Variants in SYPL1 observed in about 807,000 individuals in gnomAD.
SYPL1 encodes the protein synaptophysin-like protein 1.
In SYPL1, 6 loss-of-function variants were observed where a neutral mutation model predicts 23.7. The ratio of observed to expected loss-of-function variants is 0.25; its 90% CI spans 0.14 to 0.50. The LOEUF (loss-of-function observed/expected upper bound fraction) is 0.50, where lower values mean the gene tolerates loss of function less well. SYPL1 is among the 20% of genes least tolerant of loss of function. The pLI, the probability that SYPL1 is intolerant of heterozygous loss-of-function variation, is 0.98. For missense variants in SYPL1, 253 were observed against 288.9 expected, an observed-to-expected ratio of 0.88 and a Z score of 0.90; for synonymous variants, 102 against 104.5, an observed-to-expected ratio of 0.98 and a Z score of 0.15.
chr7:106,112,076 G>T, intron 1 of SYPL1, 64 bp downstream of exon 1: 1 of 1,302,328 alleles, frequency 7.7e-7, no homozygotes, highest in Non-Finnish European at 9.9e-7. Flanking sequence ...GCAGGTCCCC[G>T]TCTCCCCGCC....
At position 106,097,888 on chromosome 7, in the gene SYPL1, C is replaced by T. The variant is rs376215271; in HGVS notation, c.204G>A (p.Glu68=). 3.9e-5 allele frequency: 63 copies of T among 1,610,150 alleles called. No homozygotes were observed. Among genetic ancestry groups the T allele is most frequent in the African/African-American group, 5.3e-5 (4 of 74,878 alleles). The part of the protein sequence containing the change: ...ATFGYPFRLN[E]ASFQPPPGVN... ...CACCTGGAGGTGGCTGAAATGATGC[C>T]TCATTCAACCTATTAAAATAAATGT... Residue 68 remains glutamate, a synonymous_variant, in exon 3 of 5, where the codon GAG becomes GAA. Transcript: ENST00000455385. The surrounding 1 kb of genome is among the most constrained non-coding windows in gnomAD (Gnocchi z 4.6).
At chr7:106,101,986 C>T (rs1563340943) in intron 1 of SYPL1, among the ~76,000 whole-genome samples, 1 of 152,130 alleles carries the variant, frequency 6.6e-6, no homozygotes, top group African/African-American at 2.4e-5. Context: ...CCTGATTTCC[C>T]TTCCCTTGAG....
In SYPL1 at chr7:106,100,221, A is replaced by G. The variant is rs1354797699; in HGVS notation, c.70-939T>C. Among the ~76,000 whole-genome samples the G allele has an allele frequency of 6.6e-6, 1 of 152,216 alleles. No individual in the cohort carries two copies. Among genetic ancestry groups the G allele is most frequent in the East Asian group, 1.9e-4 (1 of 5,200 alleles). On this transcript the variant is annotated intron_variant, in intron 1 of 4. Transcript: ENST00000455385. The surrounding 1 kb of genome is among the most constrained non-coding windows in gnomAD (Gnocchi z 5.1). ...TGGAAACTTATTTTCCTAATCATGTATATGCTTAAAAAAATGAATGGTGTT... is the reference window on the plus strand; with the variant it reads ...TGGAAACTTATTTTCCTAATCATGTGTATGCTTAAAAAAATGAATGGTGTT...
upstream of SYPL1, chr7:106,112,503 G>T: frequency 2.0e-6 from 3 of 1,524,574 alleles, no homozygotes; most frequent in Non-Finnish European, 8.8e-7. Flanking sequence ...TGATCCGCTG[G>T]CGAACCAAGT....
Position 106,090,627 on chromosome 7 carries a change from A to T in SYPL1, c.*1178T>A, listed in dbSNP as rs982850632. 6.5e-6 allele frequency: 1 copy of T among 152,688 alleles called. No homozygotes were observed. The highest frequency in any genetic ancestry group is 2.4e-5 in the African/African-American group (1 of 41,470). 9.5% of individuals were successfully genotyped at this position (152,688 alleles called of 1,614,324 possible). On this transcript the variant is annotated 3_prime_UTR_variant, in exon 5 of 5. Coordinates refer to ENST00000455385, the MANE Select transcript of SYPL1 (RefSeq NM_182715.4). ...AGCAAGATGTGCTTCACATATAAAC[A>T]ATCATGTTGTAAGAATAAGAAACCT...
At chr7:106,092,616 T>C (rs753764624) in intron 4 of SYPL1, 7 of 354,560 alleles carry the variant, frequency 2.0e-5, no homozygotes, top group Non-Finnish European at 3.2e-5. Context: ...GAGGTTGCAG[T>C]GTGCCGAGAT....
chr7:106,112,273 G>C lies in SYPL1; in HGVS notation c.-65C>G. ...GCGGAGGAGGGGACCGACGAGACCA[G>C]AGCAGCCCGGTGGCGAGGAAGGGCA... On this transcript the variant is annotated 5_prime_UTR_variant, in exon 1 of 5. Coordinates refer to ENST00000455385, the MANE Select transcript of SYPL1 (RefSeq NM_182715.4). 6.9e-7 allele frequency: 1 copy of C among 1,452,034 alleles called. No homozygotes were observed. The highest frequency in any genetic ancestry group is 9.2e-7 in the Non-Finnish European group (1 of 1,087,214). 89.9% of individuals were successfully genotyped at this position (1,452,034 alleles called of 1,614,324 possible).
intron 3 of SYPL1, among the ~76,000 whole-genome samples, chr7:106,094,153 T>C (rs745921510): frequency 6.6e-5 from 10 of 152,254 alleles, no homozygotes; most frequent in Non-Finnish European, 1.2e-4. Flanking sequence ...AGAATGGATT[T>C]TGGAGCTTAT....
At chr7:106,102,096 CTT>C (rs564357480) in intron 1 of SYPL1, among the ~76,000 whole-genome samples, 1 of 147,008 alleles carries the variant, frequency 6.8e-6, no homozygotes, top group Non-Finnish European at 1.5e-5. Context: ...AAGATTACAA[CTT>C]TTTTTTTTTT....
At chr7:106,105,993 A>G (rs1182331832) in intron 1 of SYPL1, among the ~76,000 whole-genome samples, 1 of 152,242 alleles carries the variant, frequency 6.6e-6, no homozygotes. Context: ...AAATGGAAGC[A>G]TTCATACTAC....
At chr7:106,106,109 G>A (rs1840584222) in intron 1 of SYPL1, among the ~76,000 whole-genome samples, 1 of 152,170 alleles carries the variant, frequency 6.6e-6, no homozygotes, top group South Asian at 2.1e-4. Context: ...AGTATCTGAA[G>A]CAAGGATTTA....
intron 1 of SYPL1, among the ~76,000 whole-genome samples, chr7:106,099,599 G>A (rs1393841837): frequency 1.3e-5 from 2 of 152,128 alleles, no homozygotes; most frequent in South Asian, 2.1e-4. Flanking sequence ...TCGCTATGTT[G>A]CTCAGATTGG....
chr7:106,099,102 T>C (rs1230681469), intron 2 of SYPL1, 56 bp downstream of exon 2: 1 of 1,565,196 alleles, frequency 6.4e-7, no homozygotes, highest in African/African-American at 1.4e-5. Context: ...GAAATCTTAA[T>C]GACTCACTGT....
In SYPL1 at chr7:106,109,565, T is replaced by C. The variant is rs1585945249; in HGVS notation, c.69+2575A>G. On this transcript the variant is annotated intron_variant, in intron 1 of 4. Coordinates refer to ENST00000455385, the MANE Select transcript of SYPL1 (RefSeq NM_182715.4). This position sits in a 1 kb window ranked among gnomAD's most constrained non-coding sequence, Gnocchi z 4.3. ...GCTATATCTGCAGCCCAAACTCATA[T>C]TTTAAATTCTAGATCCATATATATA... Among the ~76,000 whole-genome samples the C allele has an allele frequency of 3.3e-5, 5 of 152,198 alleles. No homozygotes were observed. Among genetic ancestry groups the C allele is most frequent in the African/African-American group, 9.7e-5 (4 of 41,450 alleles).
chr7:106,100,263 A>G lies in SYPL1; in HGVS notation c.70-981T>C, dbSNP rs1024272061. ...AATGGTGTTCTCTCAAATACCATCT[A>G]AAACACAAAAAACCTAGAAGCAACC... On this transcript the variant is annotated intron_variant, in intron 1 of 4. Transcript: ENST00000455385. The surrounding 1 kb of genome is among the most constrained non-coding windows in gnomAD (Gnocchi z 5.1). Among the ~76,000 whole-genome samples the G allele has an allele frequency of 2.0e-5, 3 of 152,222 alleles. No individual in the cohort carries two copies. Among genetic ancestry groups the G allele is most frequent in the Non-Finnish European group, 4.4e-5 (3 of 68,040 alleles).
rs1261428170 is a variant in SYPL1 at position 106,096,065 on chromosome 7, T to C, written c.402+1625A>G. ...TATAAAGAATTTTAACAAAATATAA[T>C]TATCTATAAGATTATTCCAGTTCCC... On this transcript the variant is annotated intron_variant, in intron 3 of 4. Transcript: ENST00000455385. The surrounding 1 kb of genome is among the most constrained non-coding windows in gnomAD (Gnocchi z 4.4). Among the ~76,000 whole-genome samples the C allele has an allele frequency of 6.6e-6, 1 of 152,206 alleles. No homozygotes were observed. Among genetic ancestry groups the C allele is most frequent in the Non-Finnish European group, 1.5e-5 (1 of 68,042 alleles).
At position 106,100,299 on chromosome 7, in the gene SYPL1, C is replaced by T. The variant is rs1840247440; in HGVS notation, c.70-1017G>A. On this transcript the variant is annotated intron_variant, in intron 1 of 4. Transcript: ENST00000455385. The surrounding 1 kb of genome is among the most constrained non-coding windows in gnomAD (Gnocchi z 5.1). ...AACCTAGAAGCAACCTAAATGTTGA[C>T]AGGGAATCAAACTATAATTCATCCA... Among the ~76,000 whole-genome samples the T allele has an allele frequency of 6.6e-6, 1 of 152,152 alleles. No homozygotes were observed. The highest frequency in any genetic ancestry group is 2.1e-4 in the South Asian group (1 of 4,834).
Position 106,112,255 on chromosome 7 carries a change from A to G in SYPL1, c.-47T>C, listed in dbSNP as rs753610989. 1.3e-6 allele frequency: 2 copies of G among 1,504,400 alleles called. No homozygotes were observed. The highest frequency in any genetic ancestry group is 1.8e-5 in the Admixed American group (1 of 54,446). The allele number at this position is 1,504,400 out of a possible 1,614,324, so 93.2% of individuals were successfully genotyped here. Reference sequence around the variant, plus strand: ...GAGAGTCAGGACGACGGGGCGGAGGAGGGGACCGACGAGACCAGAGCAGCC... The same window carrying G: ...GAGAGTCAGGACGACGGGGCGGAGGGGGGGACCGACGAGACCAGAGCAGCC... On this transcript the variant is annotated 5_prime_UTR_variant, in exon 1 of 5. Transcript: ENST00000455385.
chr7:106,111,856 C>T (rs1046163764), intron 1 of SYPL1: 1 of 198,016 alleles, frequency 5.1e-6, no homozygotes. Flanking sequence ...ATTTGAACTC[C>T]CACTCCACGG....
Sources: allele counts gnomAD v4.1 joint callset (sites outside exome capture counted in the v4.1 genomes callset), GRCh38; gene constraint gnomAD v4.1.1; non-coding constraint Gnocchi (gnomAD v3.1); transcripts MANE v1.5; gene names NCBI Gene and HGNC (gene_info 2026-07-23, HGNC 2026-07-21).